Variants in BPNT2 observed in about 807,000 individuals in gnomAD.
BPNT2 encodes the protein Golgi-resident adenosine 3',5'-bisphosphate 3'-phosphatase.
BPNT2 carries 11 observed loss-of-function variants against 29.3 expected under a neutral mutation model. That is an observed-to-expected ratio of 0.38 (90% CI 0.24 to 0.62). The LOEUF (loss-of-function observed/expected upper bound fraction) is 0.62, where lower values mean the gene tolerates loss of function less well. Among genes scored for constraint, BPNT2 ranks in the 20% least tolerant of loss-of-function variants. The pLI, the probability that BPNT2 is intolerant of heterozygous loss-of-function variation, is 0.62. For synonymous variants in BPNT2, 195 were observed against 187.7 expected (o/e 1.04, Z -0.32); for missense variants, 459 against 473.4 (o/e 0.97, Z 0.28).
At chr8:56,981,500 G>A (rs1467996641) in intron 1 of BPNT2, among the ~76,000 whole-genome samples, 1 of 152,122 alleles carries the variant, frequency 6.6e-6, no homozygotes, top group Non-Finnish European at 1.5e-5. Flanking sequence ...TGGAGGTGGA[G>A]GTTGCAGTGA....
rs1367658050 is a variant in BPNT2 at position 56,962,024 on chromosome 8, A to T, written c.*1769T>A. 2.6e-5 allele frequency: 4 copies of T among 152,204 alleles called. No individual in the cohort carries two copies. The highest frequency in any genetic ancestry group is 5.9e-5 in the Non-Finnish European group (4 of 68,032). The allele number at this position is 152,204 out of a possible 1,614,324, so 9.4% of individuals were successfully genotyped here. ...TCTGGCAACAGCATATACCTTTGCC[A>T]TCTCTCCTGAAAAAGAAAGTTTCTT... On this transcript the variant is annotated 3_prime_UTR_variant, in exon 5 of 5. Coordinates refer to ENST00000262644, the MANE Select transcript of BPNT2 (RefSeq NM_017813.5).
rs1346090292 is a variant in BPNT2 at position 56,962,230 on chromosome 8, T to C, written c.*1563A>G. 1.3e-5 allele frequency: 2 copies of C among 152,208 alleles called. No individual in the cohort carries two copies. Among genetic ancestry groups the C allele is most frequent in the African/African-American group, 4.8e-5 (2 of 41,462 alleles). 9.4% of individuals were successfully genotyped at this position (152,208 alleles called of 1,614,324 possible). ...AGTTGCAAGAGATTGGGTGAAAACATTTGTGTCATATTAGATTCAGTTTAC... is the reference window on the plus strand; with the variant it reads ...AGTTGCAAGAGATTGGGTGAAAACACTTGTGTCATATTAGATTCAGTTTAC... On this transcript the variant is annotated 3_prime_UTR_variant, in exon 5 of 5. Coordinates refer to ENST00000262644, the MANE Select transcript of BPNT2 (RefSeq NM_017813.5).
Position 56,973,686 on chromosome 8 carries a change from C to T in BPNT2, c.646+4364G>A, listed in dbSNP as rs551620136. On this transcript the variant is annotated intron_variant, in intron 3 of 4. Coordinates refer to ENST00000262644, the MANE Select transcript of BPNT2 (RefSeq NM_017813.5). ...TGGAGATGAGTGCTTCAAACCAGGG[C>T]TAGACGATGAGAAAGAAGATGTAGA... 5.2e-4 allele frequency among the ~76,000 whole-genome samples: 79 copies of T among 152,208 alleles called. 1 individual carries two copies. In the South Asian group the frequency reaches 0.015, roughly 28 times the overall value.
At chr8:56,982,429 A>C (rs1004739249) in intron 1 of BPNT2, among the ~76,000 whole-genome samples, 5 of 152,190 alleles carry the variant, frequency 3.3e-5, no homozygotes. Flanking sequence ...TAAATCTTTA[A>C]ATATTTCTCA....
rs770658609 is a variant in BPNT2 at position 56,978,059 on chromosome 8, C to T, written c.637G>A (p.Glu213Lys). ...CTAGCAAATTTCATACCTGTATATT[C>T]GGAAAATGGCTTATGTATAACTCCT... ...MLGVIHKPFSEYTAWAMVDGG... is the reference protein window; with the variant it reads ...MLGVIHKPFSKYTAWAMVDGG... Residue 213 changes from glutamate to lysine, a missense_variant, in exon 3 of 5, where the codon GAA becomes AAA. Coordinates refer to ENST00000262644, the MANE Select transcript of BPNT2 (RefSeq NM_017813.5). 7.6e-6 allele frequency: 12 copies of T among 1,587,972 alleles called. No individual in the cohort carries two copies. The highest frequency in any genetic ancestry group is 2.2e-5 in the East Asian group (1 of 44,728).
At chr8:56,988,438 G>C (rs1300320887) in intron 1 of BPNT2, among the ~76,000 whole-genome samples, 1 of 152,154 alleles carries the variant, frequency 6.6e-6, no homozygotes, top group East Asian at 1.9e-4. Flanking sequence ...CAATGATCTA[G>C]CTCCCTGTAA....
In BPNT2 at chr8:56,959,464, C is replaced by T. The variant is rs1805791212; in HGVS notation, c.*4329G>A. 6.6e-6 allele frequency: 1 copy of T among 152,146 alleles called. No individual in the cohort carries two copies. The highest frequency in any genetic ancestry group is 2.4e-5 in the African/African-American group (1 of 41,436). 9.4% of individuals were successfully genotyped at this position (152,146 alleles called of 1,614,324 possible). A position where few individuals can be genotyped will look rare whatever the true frequency, so the allele number is the denominator to read the frequency against. ...GCCAATCAATTAGAATCCTCTCCCC[C>T]AGGAACTGTTCTGGTTTGTAATGTC... On this transcript the variant is annotated 3_prime_UTR_variant, in exon 5 of 5. Transcript: ENST00000262644.
chr8:56,972,662 T>C (rs182019910), intron 3 of BPNT2, among the ~76,000 whole-genome samples: 142 of 152,266 alleles, frequency 9.3e-4, no homozygotes, highest in Non-Finnish European at 1.6e-3. Context: ...AGCTGGATTA[T>C]TTAATGCCAG....
In BPNT2 at chr8:56,963,224, T is replaced by G. The variant is rs1341501511; in HGVS notation, c.*569A>C. On this transcript the variant is annotated 3_prime_UTR_variant, in exon 5 of 5. Transcript: ENST00000262644. ...AGCTGGTGAACCTGTTATTAAAATT[T>G]AAAAGAAAAAATCAATTAAACTTTT... The G allele has an allele frequency of 1.3e-5, 2 of 152,842 alleles. No homozygotes were observed. Among genetic ancestry groups the G allele is most frequent in the Non-Finnish European group, 2.9e-5 (2 of 68,248 alleles). The allele number at this position is 152,842 out of a possible 1,614,324, so 9.5% of individuals were successfully genotyped here.
rs1309314426 is a variant in BPNT2 at position 56,960,506 on chromosome 8, T to C, written c.*3287A>G. On this transcript the variant is annotated 3_prime_UTR_variant, in exon 5 of 5. Transcript: ENST00000262644. ...TACTTAAAACATACAAACCAAAATG[T>C]TTTTGTTACTTCATTATATAGTATA... 1 of 152,214 alleles carries C rather than the reference T, an allele frequency of 6.6e-6. No homozygotes were observed. The highest frequency in any genetic ancestry group is 1.9e-4 in the East Asian group (1 of 5,200). 9.4% of individuals were successfully genotyped at this position (152,214 alleles called of 1,614,324 possible).
chr8:56,987,450 CT>C (rs1413565446), intron 1 of BPNT2, among the ~76,000 whole-genome samples: 3 of 152,186 alleles, frequency 2.0e-5, no homozygotes, highest in African/African-American at 7.2e-5. Flanking sequence ...AGAAGAAAGA[CT>C]GCCCCTTCTT....
chr8:56,993,740 G>A lies in BPNT2; in HGVS notation c.-155C>T, dbSNP rs548420336. 1 of 949,536 alleles carries A rather than the reference G, an allele frequency of 1.1e-6. No homozygotes were observed. The highest frequency in any genetic ancestry group is 1.3e-6 in the Non-Finnish European group (1 of 792,858). 58.8% of individuals were successfully genotyped at this position (949,536 alleles called of 1,614,324 possible). On this transcript the variant is annotated 5_prime_UTR_variant, in exon 1 of 5. Transcript: ENST00000262644. ...CGGTGCGCCCCATCACTCCCTCCCA[G>A]GAAAGGCCGAGTTGCGCCGCGAAGA...
intron 1 of BPNT2, among the ~76,000 whole-genome samples, chr8:56,987,770 C>T (rs1350412837): frequency 1.3e-5 from 2 of 151,162 alleles, no homozygotes; most frequent in African/African-American, 4.9e-5. Context: ...GCTCTGTCAC[C>T]CAGGCTGGAG....
intron 1 of BPNT2, among the ~76,000 whole-genome samples, chr8:56,987,859 G>T (rs1806351125): frequency 6.6e-6 from 1 of 151,472 alleles, no homozygotes; most frequent in Non-Finnish European, 1.5e-5. Context: ...CTCCCGAGCA[G>T]GTGGGACTAC....
Position 56,963,511 on chromosome 8 carries a change from C to A in BPNT2, c.*282G>T. ...ATGGTGACTCATAACAATGTAGACT[C>A]AGCTACAGATTTTAATTCACAAATA... On this transcript the variant is annotated 3_prime_UTR_variant, in exon 5 of 5. Transcript: ENST00000262644. 2 of 389,240 alleles carry A rather than the reference C, an allele frequency of 5.1e-6. No homozygotes were observed. Among genetic ancestry groups the A allele is most frequent in the Non-Finnish European group, 9.3e-6 (2 of 213,986 alleles). The allele number at this position is 389,240 out of a possible 1,614,324, so 24.1% of individuals were successfully genotyped here.
intron 1 of BPNT2, among the ~76,000 whole-genome samples, chr8:56,984,447 C>G (rs536457173): frequency 3.9e-5 from 6 of 152,300 alleles, no homozygotes; most frequent in African/African-American, 1.4e-4. Flanking sequence ...CGTGCCACAT[C>G]GAATCAGTCA....
Position 56,993,635 on chromosome 8 carries a change from GC to G in BPNT2, c.-51del. ...GCTGCGGCTCTCACAGGCCTCCAGC[GC>G]CCGCCGCCGCCGCCGCCGCAGCCGC... On this transcript the variant is annotated 5_prime_UTR_variant, in exon 1 of 5. Transcript: ENST00000262644. 8.1e-7 allele frequency: 1 copy of G among 1,239,050 alleles called. No individual in the cohort carries two copies. 76.8% of individuals were successfully genotyped at this position (1,239,050 alleles called of 1,614,324 possible). A position where few individuals can be genotyped will look rare whatever the true frequency, so the allele number is the denominator to read the frequency against.
At chr8:56,965,644 C>A (rs1805932392) in intron 4 of BPNT2, among the ~76,000 whole-genome samples, 1 of 152,128 alleles carries the variant, frequency 6.6e-6, no homozygotes, top group African/African-American at 2.4e-5. Context: ...ATTTTATTAT[C>A]GGTTTCTTTT....
intron 1 of BPNT2, among the ~76,000 whole-genome samples, chr8:56,987,396 G>A (rs1001687576): frequency 6.6e-6 from 1 of 152,178 alleles, no homozygotes; most frequent in Non-Finnish European, 1.5e-5. Flanking sequence ...ATGTGGGTGG[G>A]CAGCATTCAA....
Sources: gnomAD v4.1 joint callset for allele counts (sites outside exome capture counted in the v4.1 genomes callset) on GRCh38, gnomAD v4.1.1 for gene constraint, MANE v1.5 for transcripts, NCBI Gene and HGNC (gene_info 2026-07-23, HGNC 2026-07-21) for gene names.